Variants in P3H2 observed in about 807,000 individuals in gnomAD.
P3H2 encodes the protein leprecan-like 1.
In P3H2, 80 loss-of-function variants were observed where a neutral mutation model predicts 87.0. The observed-to-expected ratio is 0.92, with a 90% CI of 0.77 to 1.11. P3H2 has a LOEUF of 1.11. P3H2 is among the 50% of genes least tolerant of loss of function. P3H2 has a pLI of 0.00. For synonymous variants in P3H2, 367 were observed against 359.3 expected, an observed-to-expected ratio of 1.02 and a Z score of -0.24; for missense variants, 1,001 against 923.9, an observed-to-expected ratio of 1.08 and a Z score of -1.08.
chr3:189,959,898 GTGTGTGTGTGTGTGT>G, intron 14 of P3H2, among the ~76,000 whole-genome samples: 1 of 105,926 alleles, frequency 9.4e-6, no homozygotes, highest in African/African-American at 2.7e-5. Flanking sequence ...GTGTGTGTGT[GTGTGTGTGTGTGTGT>G]TGGGGTGTGG....
rs550645599 is a variant in P3H2, at chr3:190,000,261, G to A, written c.481-4819C>T. 9.2e-5 allele frequency among the ~76,000 whole-genome samples: 14 copies of A among 152,166 alleles called. No homozygotes were observed. In the South Asian group the frequency reaches 1.5e-3, roughly 16 times the overall value. ...CTCTAAGTTTTAAAACTTACCACCCGCCTATTCAAGAACACACACATAGGT... is the reference window on the plus strand; with the variant it reads ...CTCTAAGTTTTAAAACTTACCACCCACCTATTCAAGAACACACACATAGGT... On this transcript the variant is annotated intron_variant, in intron 1 of 14. Coordinates refer to ENST00000319332, the MANE Select transcript of P3H2 (RefSeq NM_018192.4).
At chr3:189,962,161 CTTTTTTTTTT>C (rs770628547) in intron 14 of P3H2, among the ~76,000 whole-genome samples, 19 of 87,614 alleles carry the variant, frequency 2.2e-4, no homozygotes, top group Admixed American at 2.7e-4. Context: ...TCTTCTTCTT[CTTTTTTTTTT>C]TTTTTTTTTT....
intron 1 of P3H2, among the ~76,000 whole-genome samples, chr3:190,074,896 T>G (rs948448598): frequency 6.6e-6 from 1 of 152,220 alleles, no homozygotes; most frequent in Non-Finnish European, 1.5e-5. Context: ...ATGGTCAATG[T>G]GTACAGTTCA....
intron 1 of P3H2, among the ~76,000 whole-genome samples, chr3:190,065,209 C>G (rs1326435179): frequency 6.6e-6 from 1 of 152,124 alleles, no homozygotes; most frequent in Non-Finnish European, 1.5e-5. Context: ...CAATATTGTT[C>G]AGTCCTTTTG....
chr3:189,989,696 C>T (rs1007207691), intron 3 of P3H2, among the ~76,000 whole-genome samples: 9 of 152,026 alleles, frequency 5.9e-5, no homozygotes, highest in Non-Finnish European at 1.5e-5. Flanking sequence ...TATTCTTTAC[C>T]AGAGACTGGT....
chr3:189,990,895 T>C (rs144246566), intron 3 of P3H2, among the ~76,000 whole-genome samples: 31 of 152,340 alleles, frequency 2.0e-4, no homozygotes, highest in Non-Finnish European at 2.9e-4. Flanking sequence ...ACCGACATGC[T>C]GTGGTGACCT....
chr3:190,089,739 G>A (rs1394795849), intron 1 of P3H2, among the ~76,000 whole-genome samples: 5 of 152,182 alleles, frequency 3.3e-5, no homozygotes, highest in African/African-American at 9.7e-5. Flanking sequence ...TTGTCATGCC[G>A]GACTTTCCAA....
intron 1 of P3H2, among the ~76,000 whole-genome samples, chr3:190,101,575 G>A (rs530590943): frequency 6.6e-6 from 1 of 152,026 alleles, no homozygotes; most frequent in East Asian, 1.9e-4. Flanking sequence ...ATTCTGTGAA[G>A]GCTGAGAGAG....
At chr3:190,117,256 G>A (rs985677337) in intron 1 of P3H2, among the ~76,000 whole-genome samples, 7 of 152,122 alleles carry the variant, frequency 4.6e-5, no homozygotes, top group Non-Finnish European at 1.0e-4. Context: ...AACTCATTGG[G>A]TCTCAGATTT....
At chr3:190,099,240 G>A (rs980751055) in intron 1 of P3H2, among the ~76,000 whole-genome samples, 6 of 152,254 alleles carry the variant, frequency 3.9e-5, no homozygotes, top group African/African-American at 7.2e-5. Flanking sequence ...TGCGTGGAAC[G>A]AAGAATAAAC....
intron 1 of P3H2, among the ~76,000 whole-genome samples, chr3:190,083,042 T>C (rs1310622750): frequency 1.3e-5 from 2 of 152,234 alleles, no homozygotes; most frequent in African/African-American, 4.8e-5. Context: ...GCAGCTTATC[T>C]GCATTTACCT....
At chr3:190,021,742 T>A (rs960600982) in intron 1 of P3H2, among the ~76,000 whole-genome samples, 2 of 134,828 alleles carry the variant, frequency 1.5e-5, no homozygotes, top group African/African-American at 5.1e-5. Context: ...AATAAATCTT[T>A]AATGAGTGCC....
chr3:190,028,020 G>C (rs576959964), intron 1 of P3H2, among the ~76,000 whole-genome samples: 51 of 150,322 alleles, frequency 3.4e-4, no homozygotes, highest in Non-Finnish European at 6.9e-4. Flanking sequence ...TGCTCATATT[G>C]TCTCTTGAGC....
intron 8 of P3H2, among the ~76,000 whole-genome samples, chr3:189,982,075 G>C (rs1201689181): frequency 6.6e-6 from 1 of 152,184 alleles, no homozygotes; most frequent in African/African-American, 2.4e-5. Flanking sequence ...CACTTTGAAA[G>C]CCTCTTGTCT....
chr3:190,067,417 C>T (rs1353061142), intron 1 of P3H2, among the ~76,000 whole-genome samples: 1 of 152,096 alleles, frequency 6.6e-6, no homozygotes, highest in Non-Finnish European at 1.5e-5. Flanking sequence ...CTCCATACCC[C>T]TTTTACTAAG....
chr3:190,040,145 A>G (rs924362753), intron 1 of P3H2, among the ~76,000 whole-genome samples: 4 of 152,126 alleles, frequency 2.6e-5, no homozygotes, highest in Non-Finnish European at 5.9e-5. Context: ...CACACAAAAA[A>G]CCCGTCTTAC....
intron 3 of P3H2, 120 bp from the exon 4 acceptor site, chr3:189,989,158 A>G: frequency 8.2e-7 from 1 of 1,223,996 alleles, no homozygotes; most frequent in Admixed American, 1.8e-5. Context: ...CCAAATTATT[A>G]TAATCCTCAC....
chr3:190,054,768 C>A (rs1726096424), intron 1 of P3H2, among the ~76,000 whole-genome samples: 1 of 152,096 alleles, frequency 6.6e-6, no homozygotes, highest in South Asian at 2.1e-4. Context: ...AGGCACTGCC[C>A]CCATCCCCTC....
intron 1 of P3H2, among the ~76,000 whole-genome samples, chr3:190,035,806 C>A (rs1370060015): frequency 6.6e-6 from 1 of 152,066 alleles, no homozygotes; most frequent in African/African-American, 2.4e-5. Flanking sequence ...TAAAGCAAAC[C>A]CAGATCTTAT....
Sources: gnomAD v4.1 joint callset for allele counts (sites outside exome capture counted in the v4.1 genomes callset) on GRCh38, gnomAD v4.1.1 for gene constraint, MANE v1.5 for transcripts, NCBI Gene and HGNC (gene_info 2026-07-23, HGNC 2026-07-21) for gene names.